Variants in RANBP2 observed in about 807,000 individuals in gnomAD.
RANBP2 encodes the protein RAN binding protein 2.
A neutral mutation model predicts 303.6 loss-of-function variants in RANBP2; 57 were observed. That is an observed-to-expected ratio of 0.19 (90% CI 0.15 to 0.23). The LOEUF is 0.23. Ranked by LOEUF, RANBP2 falls within the 10% of genes least tolerant of loss-of-function variation. The probability of loss-of-function intolerance (pLI) is 1.00; values close to 1 mark genes in which losing one functional copy is unlikely to be tolerated. For synonymous variants in RANBP2, 1,167 were observed against 1,301.5 expected (o/e 0.90, Z 2.23); for missense variants, 3,138 against 3,780.8 (o/e 0.83, Z 4.46).
At chr2:109,498,025 T>G in the RANBP2 span, among the ~76,000 whole-genome samples, 53 of 152,296 alleles carry the variant, frequency 3.5e-4, no homozygotes, top group Middle Eastern at 3.4e-3. Context: ...TTTGTGTGTA[T>G]GCTGTCTGAT....
chr2:109,358,590 T>C, the RANBP2 span, among the ~76,000 whole-genome samples: 28 of 152,352 alleles, frequency 1.8e-4, no homozygotes, highest in African/African-American at 6.3e-4. Context: ...TTTGGTGAAG[T>C]GTCTTCTTTG....
At chr2:109,439,232 A>G in the RANBP2 span, among the ~76,000 whole-genome samples, 1 of 152,104 alleles carries the variant, frequency 6.6e-6, no homozygotes, top group Non-Finnish European at 1.5e-5. Context: ...ATTCTCTTCC[A>G]TCAGTTTAAT....
chr2:108,856,673 TATTTA>T, the RANBP2 span: 29 of 863,686 alleles, frequency 3.4e-5, no homozygotes, highest in Admixed American at 6.4e-4. Context: ...TGTGATCTCT[TATTTA>T]ATTTTTGTTT....
chr2:109,041,265 A>G, the RANBP2 span, among the ~76,000 whole-genome samples: 1 of 152,134 alleles, frequency 6.6e-6, no homozygotes, highest in Non-Finnish European at 1.5e-5. Context: ...TTCAAAGATA[A>G]TGGTAGTTTC....
chr2:109,529,415 G>A, the RANBP2 span, among the ~76,000 whole-genome samples: 8 of 152,278 alleles, frequency 5.3e-5, no homozygotes, highest in Non-Finnish European at 1.0e-4. Flanking sequence ...AGGGAGAGCC[G>A]GGGAGGCCGG....
At chr2:108,977,750 G>A in the RANBP2 span, among the ~76,000 whole-genome samples, 1 of 152,170 alleles carries the variant, frequency 6.6e-6, no homozygotes, top group African/African-American at 2.4e-5. Flanking sequence ...AGAGCTGAGG[G>A]TGGAAACAGG....
the RANBP2 span, among the ~76,000 whole-genome samples, chr2:109,452,918 AGGAGGCTGGTCCCG>A: frequency 3.7e-5 from 5 of 134,294 alleles, no homozygotes; most frequent in African/African-American, 5.8e-5. Context: ...GGCTGGTGCC[AGGAGGCTGGTCCCG>A]GGAGGCTGGT....
chr2:109,673,274 T>A, the RANBP2 span, among the ~76,000 whole-genome samples: 4 of 152,224 alleles, frequency 2.6e-5, no homozygotes, highest in African/African-American at 9.6e-5. Context: ...ACTAAGTGTT[T>A]CTTTTTCTTC....
At chr2:109,066,843 A>C in the RANBP2 span, among the ~76,000 whole-genome samples, 1 of 152,090 alleles carries the variant, frequency 6.6e-6, no homozygotes, top group Non-Finnish European at 1.5e-5. Flanking sequence ...ACAAAGGGAG[A>C]AGAGCAGCCC....
At chr2:109,369,709 CCTT>C in the RANBP2 span, among the ~76,000 whole-genome samples, 1 of 152,154 alleles carries the variant, frequency 6.6e-6, no homozygotes, top group Non-Finnish European at 1.5e-5. Flanking sequence ...AGCCTGCCCT[CCTT>C]CTGTGTGATC....
chr2:109,292,607 C>T, the RANBP2 span, among the ~76,000 whole-genome samples: 16 of 152,316 alleles, frequency 1.1e-4, no homozygotes, highest in East Asian at 1.9e-3. Context: ...CTATTTTGGG[C>T]ATTTTTCTTT....
chr2:108,735,704 G>A lies in RANBP2; in HGVS notation c.578G>A (p.Arg193Lys). ...GTGGCCCACTGCCATGAGGCAGAGA[G>A]GAACATAGCTTTGCGTTCAAGTTTA... The part of the protein sequence containing the change: ...DAVAHCHEAE[R>K]NIALRSSLEW... The change falls in exon 5 of 29, where the codon AGG (arginine) becomes AAG (lysine). Residue 193 changes from arginine (R) to lysine (K), a missense_variant. Arg to Lys is a conservative substitution (Grantham distance 26). Transcript: ENST00000283195. The A allele has an allele frequency of 6.3e-7, 1 of 1,597,564 alleles. No individual in the cohort carries two copies. The highest frequency in any genetic ancestry group is 1.1e-5 in the South Asian group (1 of 90,992).
the RANBP2 span, among the ~76,000 whole-genome samples, chr2:109,578,349 A>C: frequency 6.6e-6 from 1 of 152,248 alleles, no homozygotes; most frequent in Non-Finnish European, 1.5e-5. Context: ...AACTACACCA[A>C]ACATACATAG....
the RANBP2 span, among the ~76,000 whole-genome samples, chr2:108,852,640 C>G: frequency 3.0e-4 from 45 of 152,200 alleles, 1 homozygote; most frequent in South Asian, 8.9e-3. Context: ...CCTTAACAGA[C>G]TAATGCAGGA....
the RANBP2 span, among the ~76,000 whole-genome samples, chr2:109,598,513 C>T: frequency 2.6e-5 from 4 of 151,964 alleles, no homozygotes; most frequent in Non-Finnish European, 4.4e-5. Context: ...TGAGCGAGAG[C>T]GAGAGAGAAC....
the RANBP2 span, among the ~76,000 whole-genome samples, chr2:108,836,436 G>C: frequency 6.6e-6 from 1 of 152,152 alleles, no homozygotes; most frequent in Non-Finnish European, 1.5e-5. Flanking sequence ...CCATCTCATG[G>C]CTATTGTGAA....
At chr2:109,352,860 A>G in the RANBP2 span, among the ~76,000 whole-genome samples, 1 of 152,230 alleles carries the variant, frequency 6.6e-6, no homozygotes, top group Non-Finnish European at 1.5e-5. Context: ...TCTGACAGCA[A>G]AGGGAGTTTG....
chr2:109,555,078 T>C, the RANBP2 span, among the ~76,000 whole-genome samples: 1 of 152,328 alleles, frequency 6.6e-6, no homozygotes, highest in Admixed American at 6.5e-5. Context: ...TCCTAATTCA[T>C]CTCTGAGCTT....
the RANBP2 span, among the ~76,000 whole-genome samples, chr2:109,557,136 G>A: frequency 6.6e-6 from 1 of 151,862 alleles, no homozygotes; most frequent in African/African-American, 2.4e-5. Context: ...AAACCAGCAC[G>A]TTGTGCACAT....
Sources: allele counts gnomAD v4.1 joint callset (sites outside exome capture counted in the v4.1 genomes callset), GRCh38; gene constraint gnomAD v4.1.1; transcripts MANE v1.5; gene names NCBI Gene and HGNC (gene_info 2026-07-23, HGNC 2026-07-21).